ABCB7: variants seen among roughly 807,000 people sequenced by gnomAD.
ABCB7 encodes ATP binding cassette subfamily B member 7, also known as iron-sulfur clusters transporter ABCB7, mitochondrial.
ABCB7 carries 7 observed loss-of-function variants against 54.4 expected under a neutral mutation model. The ratio of observed to expected loss-of-function variants is 0.13; its 90% confidence interval spans 0.07 to 0.24. ABCB7 has a LOEUF of 0.24. Ranked by LOEUF, ABCB7 falls within the 10% of genes least tolerant of loss-of-function variation. The pLI, the probability that ABCB7 is intolerant of heterozygous loss-of-function variation, is 1.00. For synonymous variants in ABCB7, 218 were observed against 207.1 expected, an observed-to-expected ratio of 1.05 and a Z score of -0.45; for missense variants, 356 against 570.4, an observed-to-expected ratio of 0.62 and a Z score of 3.83.
At chrX:75,102,156 T>C (rs1401943963) in intron 3 of ABCB7, among the ~76,000 whole-genome samples, 6 of 111,081 alleles carry the variant, frequency 5.4e-5, no homozygotes, top group Non-Finnish European at 1.1e-4. Flanking sequence ...GGGGTATCTA[T>C]CTCCTTGAGT....
intron 9 of ABCB7, 113 bp downstream of exon 9, chrX:75,071,396 G>T: frequency 2.3e-6 from 2 of 872,501 alleles, no homozygotes; most frequent in Non-Finnish European, 3.4e-6. Flanking sequence ...CTCCAAGGAT[G>T]TGAAAGCACT....
chrX:75,094,012 T>TTATATACATA (rs2081565411), intron 4 of ABCB7, among the ~76,000 whole-genome samples: 3 of 76,410 alleles, frequency 3.9e-5, no homozygotes, highest in African/African-American at 2.3e-4. Flanking sequence ...GATGTTTCTG[T>TTATATACATA]TATATACATA....
chrX:75,094,056 A>ATATC (rs1267473767), intron 4 of ABCB7, among the ~76,000 whole-genome samples: 3 of 82,829 alleles, frequency 3.6e-5, no homozygotes, highest in African/African-American at 1.3e-4. Context: ...ATATATATCT[A>ATATC]TCTTATTATT....
At chrX:75,129,361 C>T (rs1602401778) in intron 1 of ABCB7, among the ~76,000 whole-genome samples, 1 of 110,620 alleles carries the variant, frequency 9.0e-6, no homozygotes, top group East Asian at 2.8e-4. Flanking sequence ...AAACCAAGCA[C>T]CGCATGTTCT....
rs2081364727 is a variant in ABCB7 at position 75,071,675 on chromosome X, A to G, written c.1041T>C (p.Asn347=). ...LLNYETVKYF[N]NERYEAQRYD... ...ATCTCTGTGCTTCATATCTTTCATT[A>G]TTAAAATACTACAAAATATATAAAA... Residue 347 remains asparagine, a synonymous_variant, in exon 9 of 16, where the codon AAT becomes AAC. Transcript: ENST00000373394. The G allele has an allele frequency of 1.8e-6, 2 of 1,139,582 alleles. No individual in the cohort carries two copies. Among genetic ancestry groups the G allele is most frequent in the Non-Finnish European group, 2.4e-6 (2 of 837,236 alleles). The allele number at this position is 1,139,582 out of a possible 1,213,427, so 93.9% of individuals were successfully genotyped here.
At chrX:75,098,453 A>G (rs1304335748) in intron 4 of ABCB7, among the ~76,000 whole-genome samples, 2 of 111,612 alleles carry the variant, frequency 1.8e-5, no homozygotes, top group African/African-American at 6.5e-5. Context: ...GGGCTCCTAT[A>G]CTGAACGTAC....
At chrX:75,101,828 T>C (rs2081642367) in intron 3 of ABCB7, among the ~76,000 whole-genome samples, 1 of 111,814 alleles carries the variant, frequency 8.9e-6, no homozygotes, top group African/African-American at 3.2e-5. Flanking sequence ...AGTGAAGTTA[T>C]GGCTAAGAGC....
intron 1 of ABCB7, among the ~76,000 whole-genome samples, chrX:75,140,250 T>C (rs190275456): frequency 1.2e-3 from 129 of 111,135 alleles, no homozygotes; most frequent in African/African-American, 4.0e-3. Flanking sequence ...TTCTATCAGA[T>C]ATTACATTAT....
At chrX:75,129,599 T>A (rs1245650818) in intron 1 of ABCB7, among the ~76,000 whole-genome samples, 2 of 106,025 alleles carry the variant, frequency 1.9e-5, no homozygotes, top group Admixed American at 1.0e-4. Context: ...GTATAATAAA[T>A]ATATATAATA....
intron 3 of ABCB7, among the ~76,000 whole-genome samples, chrX:75,101,355 G>A (rs1219920298): frequency 9.1e-6 from 1 of 109,869 alleles, no homozygotes; most frequent in East Asian, 2.9e-4. Flanking sequence ...TCATATTATA[G>A]TTATCCCTCT....
intron 1 of ABCB7, among the ~76,000 whole-genome samples, chrX:75,118,168 T>C (rs1055507261): frequency 1.1e-4 from 12 of 111,882 alleles, no homozygotes; most frequent in African/African-American, 3.6e-4. Context: ...CCTTGGAAGC[T>C]TGACCTTGTA....
At chrX:75,127,032 A>G (rs1364571548) in intron 1 of ABCB7, among the ~76,000 whole-genome samples, 1 of 111,598 alleles carries the variant, frequency 9.0e-6, no homozygotes, top group African/African-American at 3.3e-5. Context: ...AATGGAAAAA[A>G]AGGGACTCCT....
chrX:75,092,948 T>C (rs1322726320), intron 4 of ABCB7, among the ~76,000 whole-genome samples: 1 of 112,010 alleles, frequency 8.9e-6, no homozygotes, highest in Non-Finnish European at 1.9e-5. Context: ...ATAGGAACTC[T>C]TATTCATTGC....
At chrX:75,094,122 A>G (rs2081570406) in intron 4 of ABCB7, among the ~76,000 whole-genome samples, 1 of 104,121 alleles carries the variant, frequency 9.6e-6, no homozygotes, top group African/African-American at 3.6e-5. Context: ...TATACTTTAT[A>G]TAACAGATGC....
chrX:75,051,701 T>C lies in ABCB7; in HGVS notation c.*1669A>G, dbSNP rs932070039. 8.9e-6 allele frequency: 1 copy of C among 112,591 alleles called. No individual in the cohort carries two copies. The highest frequency in any genetic ancestry group is 3.2e-5 in the African/African-American group (1 of 31,060). The allele number at this position is 112,591 out of a possible 1,213,427, so 9.3% of individuals were successfully genotyped here. Reference sequence around the variant, plus strand: ...TAAATTACTGAAAAGTAAGGGAAGATCTTTTAATAAATTCTGAAGTGTCAA... The same window carrying C: ...TAAATTACTGAAAAGTAAGGGAAGACCTTTTAATAAATTCTGAAGTGTCAA... On this transcript the variant is annotated 3_prime_UTR_variant, in exon 16 of 16. Coordinates refer to ENST00000373394, the MANE Select transcript of ABCB7 (RefSeq NM_001271696.3).
At chrX:75,104,852 C>T (rs923298806) in intron 3 of ABCB7, among the ~76,000 whole-genome samples, 2 of 111,567 alleles carry the variant, frequency 1.8e-5, no homozygotes, top group Non-Finnish European at 3.8e-5. Context: ...GATAACATAC[C>T]ATGATCAAGT....
In ABCB7 at chrX:75,122,052, C is replaced by T. The variant is rs770065323; in HGVS notation, c.169-7221G>A. Among the ~76,000 whole-genome samples the T allele has an allele frequency of 2.7e-5, 3 of 111,486 alleles. No homozygotes were observed. The East Asian group carries it at 8.6e-4, about 32-fold the overall frequency. On this transcript the variant is annotated intron_variant, in intron 1 of 15. Transcript: ENST00000373394. ...GGGTGAAATGTCAGAGGCATTTGAA[C>T]CAGAGCAACTCCATCTTGAGCAGGG...
At chrX:75,067,245 G>A (rs182401078) in intron 12 of ABCB7, among the ~76,000 whole-genome samples, 1 of 111,584 alleles carries the variant, frequency 9.0e-6, no homozygotes, top group East Asian at 2.8e-4. Flanking sequence ...GTATCCTGTT[G>A]TTGATTTAAT....
chrX:75,071,842 C>A (rs1004416904), intron 8 of ABCB7, 159 bp from the exon 9 acceptor site: 12 of 389,172 alleles, frequency 3.1e-5, no homozygotes, highest in Admixed American at 4.5e-5. Context: ...GATATCCCTG[C>A]AGTTTTCCAT....
Sources: allele counts gnomAD v4.1 joint callset (sites outside exome capture counted in the v4.1 genomes callset), GRCh38; gene constraint gnomAD v4.1.1; transcripts MANE v1.5; gene names NCBI Gene and HGNC (gene_info 2026-07-23, HGNC 2026-07-21).